The following RBFOX1 variants were observed in gnomAD, a reference collection of about 807,000 sequenced individuals.
RBFOX1 encodes RNA binding fox-1 homolog 1, also known as RNA binding protein fox-1 homolog 1.
RBFOX1 carries 8 observed loss-of-function variants against 57.7 expected under a neutral mutation model. The observed-to-expected ratio is 0.14, with a 90% CI of 0.08 to 0.25. The LOEUF (loss-of-function observed/expected upper bound fraction) is 0.25. Ranked by LOEUF, RBFOX1 falls within the 10% of genes least tolerant of loss-of-function variation. RBFOX1 has a pLI of 1.00. For synonymous variants in RBFOX1, 326 were observed against 222.4 expected (o/e 1.47, Z -4.15); for missense variants, 611 against 548.5 (o/e 1.11, Z -1.14).
rs374549127 is a variant in RBFOX1, at chr16:6,840,016, C to G, written c.-16+185366C>G. Among the ~76,000 whole-genome samples the G allele has an allele frequency of 3.3e-5, 5 of 152,098 alleles. No homozygotes were observed. In the East Asian group the frequency reaches 5.8e-4, roughly 18 times the overall value. Reference sequence around the variant, plus strand: ...ATAAACAAAATAATATCTGTAGCAACTATGGACCCTGGGAAGGATAATAAA... The same window carrying G: ...ATAAACAAAATAATATCTGTAGCAAGTATGGACCCTGGGAAGGATAATAAA... On this transcript the variant is annotated intron_variant, in intron 3 of 15. Transcript: ENST00000550418.
chr16:7,350,827 A>G (rs2097115490), intron 4 of RBFOX1, among the ~76,000 whole-genome samples: 1 of 152,170 alleles, frequency 6.6e-6, no homozygotes, highest in African/African-American at 2.4e-5. Flanking sequence ...ATAGAAATGT[A>G]TCTGTGTCTG....
intron 3 of RBFOX1, among the ~76,000 whole-genome samples, chr16:5,756,765 T>C (rs993659110): frequency 4.6e-5 from 7 of 152,164 alleles, no homozygotes; most frequent in African/African-American, 1.7e-4. Flanking sequence ...TCAATGGAGA[T>C]GTTACTTGCC....
intron 1 of RBFOX1, among the ~76,000 whole-genome samples, chr16:6,208,898 G>A (rs2097273343): frequency 6.6e-6 from 1 of 152,140 alleles, no homozygotes; most frequent in Non-Finnish European, 1.5e-5. Flanking sequence ...CCTACAAGGA[G>A]GCTAAGTATC....
At chr16:6,345,012 A>T (rs921195296) in intron 2 of RBFOX1, among the ~76,000 whole-genome samples, 1 of 152,128 alleles carries the variant, frequency 6.6e-6, no homozygotes, top group Non-Finnish European at 1.5e-5. Flanking sequence ...TTTGTAAAAC[A>T]AGAACAATAT....
At chr16:7,171,139 C>T (rs1182214232) in intron 4 of RBFOX1, among the ~76,000 whole-genome samples, 6 of 152,222 alleles carry the variant, frequency 3.9e-5, no homozygotes, top group Admixed American at 3.9e-4. Context: ...ACTCTCAAGG[C>T]CTTACTTGCC....
intron 4 of RBFOX1, among the ~76,000 whole-genome samples, chr16:7,100,944 GA>G (rs2062586541): frequency 6.6e-6 from 1 of 152,136 alleles, no homozygotes; most frequent in African/African-American, 2.4e-5. Context: ...AAGTGAAAGT[GA>G]TTGTACTTTA....
At chr16:5,825,514 T>C (rs2151814005) in intron 3 of RBFOX1, among the ~76,000 whole-genome samples, 1 of 152,338 alleles carries the variant, frequency 6.6e-6, no homozygotes, top group African/African-American at 2.4e-5. Flanking sequence ...TTCATAAACT[T>C]GGATGGAAAA....
At chr16:6,584,829 C>A (rs1012585695) in intron 2 of RBFOX1, among the ~76,000 whole-genome samples, 1 of 152,174 alleles carries the variant, frequency 6.6e-6, no homozygotes, top group East Asian at 1.9e-4. Context: ...TGCCAGCAGC[C>A]TCCAGCCGAT....
At chr16:6,072,019 A>C (rs2095843720) in intron 1 of RBFOX1, among the ~76,000 whole-genome samples, 1 of 152,174 alleles carries the variant, frequency 6.6e-6, no homozygotes. Flanking sequence ...CATACCCAAG[A>C]CTGGGTAACT....
At chr16:6,453,989 G>C (rs1487391106) in intron 2 of RBFOX1, among the ~76,000 whole-genome samples, 1 of 152,184 alleles carries the variant, frequency 6.6e-6, no homozygotes, top group Non-Finnish European at 1.5e-5. Flanking sequence ...TGGTTGGTTT[G>C]TTCTGAGGCT....
At chr16:7,221,086 T>C (rs2092692746) in intron 4 of RBFOX1, among the ~76,000 whole-genome samples, 1 of 152,122 alleles carries the variant, frequency 6.6e-6, no homozygotes, top group Non-Finnish European at 1.5e-5. Flanking sequence ...GAAGCCAGGT[T>C]GATGTGACTA....
intron 4 of RBFOX1, among the ~76,000 whole-genome samples, chr16:7,503,673 G>C (rs189317871): frequency 1.3e-5 from 2 of 152,304 alleles, no homozygotes; most frequent in Admixed American, 1.3e-4. Context: ...AGTCTGTTCA[G>C]GATTGAGGCT....
At chr16:5,616,405 C>T (rs894103076) in intron 3 of RBFOX1, among the ~76,000 whole-genome samples, 1 of 152,170 alleles carries the variant, frequency 6.6e-6, no homozygotes, top group African/African-American at 2.4e-5. Flanking sequence ...GGCGCTGCTC[C>T]TGAGAGCCTT....
At chr16:6,495,705 C>T (rs1460838409) in intron 2 of RBFOX1, among the ~76,000 whole-genome samples, 1 of 152,146 alleles carries the variant, frequency 6.6e-6, no homozygotes, top group African/African-American at 2.4e-5. Flanking sequence ...ATTTCACAAC[C>T]CTCCCTTGGT....
At chr16:6,543,089 A>G (rs1012690734) in intron 2 of RBFOX1, among the ~76,000 whole-genome samples, 1 of 152,198 alleles carries the variant, frequency 6.6e-6, no homozygotes, top group South Asian at 2.1e-4. Context: ...TGTTCATTTC[A>G]AATGGAAATA....
intron 4 of RBFOX1, among the ~76,000 whole-genome samples, chr16:7,386,798 G>A (rs537107923): frequency 2.2e-4 from 33 of 152,126 alleles, no homozygotes; most frequent in Middle Eastern, 3.4e-3. Context: ...TTGAGGAATC[G>A]CCACACTGTC....
chr16:6,985,597 G>T (rs1237970942), intron 3 of RBFOX1, among the ~76,000 whole-genome samples: 1 of 152,224 alleles, frequency 6.6e-6, no homozygotes, highest in East Asian at 1.9e-4. Context: ...GGAGGCCAAG[G>T]TGGGTGGATC....
chr16:5,926,672 T>G (rs1288037624), intron 4 of RBFOX1, among the ~76,000 whole-genome samples: 1 of 152,232 alleles, frequency 6.6e-6, no homozygotes, highest in East Asian at 1.9e-4. Flanking sequence ...ACAAATTGGA[T>G]TCTTAGCTGA....
At chr16:7,496,259 C>A (rs1261177120) in intron 4 of RBFOX1, among the ~76,000 whole-genome samples, 1 of 152,210 alleles carries the variant, frequency 6.6e-6, no homozygotes, top group African/African-American at 2.4e-5. Context: ...TCTCTTGCCT[C>A]AGCCTCCCAA....
Sources: allele counts gnomAD v4.1 joint callset (sites outside exome capture counted in the v4.1 genomes callset), GRCh38; gene constraint gnomAD v4.1.1; transcripts MANE v1.5; gene names NCBI Gene and HGNC (gene_info 2026-07-23, HGNC 2026-07-21).